Variants in PYY observed in about 807,000 individuals in gnomAD.
PYY encodes the protein peptide tyrosine tyrosine.
In PYY, 12 loss-of-function variants were observed where a neutral mutation model predicts 10.3. That is an observed-to-expected ratio of 1.17 (90% CI 0.75 to 1.89). The LOEUF is 1.89. Ranked by LOEUF, PYY falls within the 40% of genes most tolerant of loss-of-function variation. PYY has a pLI of 0.00. For missense variants in PYY, 141 were observed against 134.0 expected, an observed-to-expected ratio of 1.05 and a Z score of -0.26; for synonymous variants, 66 against 62.0, an observed-to-expected ratio of 1.06 and a Z score of -0.30.
At chr17:43,995,569 C>G (rs1391579073) in intron 1 of PYY, among the ~76,000 whole-genome samples, 1 of 152,234 alleles carries the variant, frequency 6.6e-6, no homozygotes, top group Non-Finnish European at 1.5e-5. Context: ...CACGGTGGCT[C>G]ACGCCTGTAA....
Position 43,994,167 on chromosome 17 carries a change from T to A in PYY, c.-463+10224A>T, listed in dbSNP as rs2048975451. On this transcript the variant is annotated intron_variant, in intron 1 of 6. Transcript: ENST00000360085. ...CTACACCCAGCCTGAAAAAAAAATT[T>A]TAAAAAAATTATAAGTATACTGTGC... Among the ~76,000 whole-genome samples the A allele has an allele frequency of 5.9e-5, 9 of 152,084 alleles. No individual in the cohort carries two copies. The South Asian group carries it at 1.9e-3, about 31-fold the overall frequency.
chr17:43,992,476 C>T (rs2048963831), intron 1 of PYY, among the ~76,000 whole-genome samples: 1 of 151,928 alleles, frequency 6.6e-6, no homozygotes, highest in South Asian at 2.1e-4. Flanking sequence ...TTTGGGAGGC[C>T]GAGGTGGGCG....
At chr17:43,978,604 A>G (rs1484854042) in intron 1 of PYY, among the ~76,000 whole-genome samples, 2 of 152,164 alleles carry the variant, frequency 1.3e-5, no homozygotes, top group Admixed American at 6.5e-5. Flanking sequence ...TCCTGCAGGC[A>G]AGGCTCAGTG....
At chr17:43,957,700 AT>A (rs1385378436), upstream of PYY, among the ~76,000 whole-genome samples, 46 of 152,306 alleles carry the variant, frequency 3.0e-4, no homozygotes, top group African/African-American at 1.1e-3. Context: ...AGCATGGAAT[AT>A]GTCTGATAAG....
chr17:43,993,345 G>C (rs1291492124), intron 1 of PYY, among the ~76,000 whole-genome samples: 1 of 152,074 alleles, frequency 6.6e-6, no homozygotes, highest in Admixed American at 6.6e-5. Context: ...TGTAGTCCCA[G>C]GTACTCGGGA....
intron 1 of PYY, among the ~76,000 whole-genome samples, chr17:43,991,858 C>T (rs569032669): frequency 4.0e-5 from 6 of 151,074 alleles, no homozygotes; most frequent in Admixed American, 3.9e-4. Context: ...CGGTGGCTCA[C>T]GCCTGTAATC....
intron 1 of PYY, among the ~76,000 whole-genome samples, chr17:43,980,680 G>A (rs2048878688): frequency 6.6e-6 from 1 of 151,738 alleles, no homozygotes; most frequent in Admixed American, 6.6e-5. Flanking sequence ...CACCATGTTG[G>A]CCAGGCTGTT....
At chr17:43,965,804 AAAAAAAAAAAAAAGAG>A (rs2048751625) in intron 2 of PYY, among the ~76,000 whole-genome samples, 1 of 150,024 alleles carries the variant, frequency 6.7e-6, no homozygotes, top group Non-Finnish European at 1.5e-5. Flanking sequence ...AAAAAAAAAA[AAAAAAAAAAAAAAGAG>A]AGAGAAACAA....
intron 2 of PYY, among the ~76,000 whole-genome samples, chr17:43,962,824 A>T (rs1246104956): frequency 1.3e-5 from 2 of 152,330 alleles, no homozygotes; most frequent in East Asian, 3.9e-4. Context: ...AGGCGAGGGC[A>T]AGGGCACCAA....
At chr17:43,954,776 T>C (rs919823083), upstream of PYY, among the ~76,000 whole-genome samples, 2 of 152,214 alleles carry the variant, frequency 1.3e-5, no homozygotes, top group African/African-American at 4.8e-5. Context: ...CCCAGGCACA[T>C]GCCACTGTCC....
intron 1 of PYY, among the ~76,000 whole-genome samples, chr17:43,995,571 C>A (rs1405065495): frequency 6.6e-6 from 1 of 152,190 alleles, no homozygotes; most frequent in East Asian, 1.9e-4. Context: ...CGGTGGCTCA[C>A]GCCTGTAATC....
chr17:43,967,038 C>A (rs1332349609), intron 1 of PYY, among the ~76,000 whole-genome samples: 1 of 152,204 alleles, frequency 6.6e-6, no homozygotes, highest in Non-Finnish European at 1.5e-5. Context: ...CGCGGTGGCT[C>A]ACACCTCTAA....
chr17:43,987,124 C>T lies in PYY; in HGVS notation c.-463+17267G>A, dbSNP rs2143947206. 6.6e-6 allele frequency among the ~76,000 whole-genome samples: 1 copy of T among 152,308 alleles called. No individual in the cohort carries two copies. The highest frequency in any genetic ancestry group is 1.5e-5 in the Non-Finnish European group (1 of 68,022). On this transcript the variant is annotated intron_variant, in intron 1 of 6. Transcript: ENST00000360085. This position sits in a 1 kb window ranked among gnomAD's most constrained non-coding sequence, Gnocchi z 4.0. ...CCCCTCCTCTGGTGGTCAGCACAGA[C>T]ATGGTGACCGTGGCCCTGAAACCAT... is the stretch of plus-strand genomic sequence containing the variant.
rs936765528 is a variant in PYY, at chr17:43,952,809, G to C, written c.*147C>G. ...CACAGCCCTCCAGCCCAGGGGGCGG[G>C]GGCACCGAGACGCGGGCGGAGGGCC... On this transcript the variant is annotated 3_prime_UTR_variant, in exon 4 of 4. Transcript: ENST00000692052. The C allele has an allele frequency of 1.2e-6, 1 of 829,600 alleles. No homozygotes were observed. Among genetic ancestry groups the C allele is most frequent in the African/African-American group, 1.7e-5 (1 of 57,148 alleles). 51.4% of individuals were successfully genotyped at this position (829,600 alleles called of 1,614,324 possible). A position where few individuals can be genotyped will look rare whatever the true frequency, so the allele number is the denominator to read the frequency against.
At chr17:43,978,562 C>T (rs1354611225) in intron 1 of PYY, among the ~76,000 whole-genome samples, 1 of 152,040 alleles carries the variant, frequency 6.6e-6, no homozygotes, top group Non-Finnish European at 1.5e-5. Flanking sequence ...ATTTAAAGAC[C>T]CCCCTTGCCA....
At chr17:43,961,752 G>C (rs2048714408) in intron 2 of PYY, among the ~76,000 whole-genome samples, 1 of 152,114 alleles carries the variant, frequency 6.6e-6, no homozygotes, top group Non-Finnish European at 1.5e-5. Flanking sequence ...ATGTTGGCCA[G>C]GCTGGTCTTG....
At chr17:44,003,029 G>GATTTTA (rs906777430) in intron 1 of PYY, among the ~76,000 whole-genome samples, 3 of 151,982 alleles carry the variant, frequency 2.0e-5, no homozygotes, top group Non-Finnish European at 2.9e-5. Context: ...TTTTAATTTT[G>GATTTTA]ATTTTAATTT....
At chr17:43,969,306 A>C (rs2048773872) in intron 1 of PYY, among the ~76,000 whole-genome samples, 1 of 152,048 alleles carries the variant, frequency 6.6e-6, no homozygotes, top group Admixed American at 6.6e-5. Context: ...ACTTGAGGTC[A>C]GGAGTTCTAG....
upstream of PYY, among the ~76,000 whole-genome samples, chr17:43,955,822 C>T (rs2048667846): frequency 1.3e-5 from 2 of 152,050 alleles, no homozygotes. Context: ...AAGACAGGTG[C>T]TCACCCTAGG....
Sources: allele counts gnomAD v4.1 joint callset (sites outside exome capture counted in the v4.1 genomes callset), GRCh38; gene constraint gnomAD v4.1.1; non-coding constraint Gnocchi (gnomAD v3.1); transcripts MANE v1.5; gene names NCBI Gene and HGNC (gene_info 2026-07-23, HGNC 2026-07-21).